Variants in ARGFX observed in about 807,000 individuals in gnomAD.
ARGFX encodes the protein arginine-fifty homeobox.
Under a neutral mutation model 8.0 loss-of-function variants are expected in ARGFX, and 10 were observed. That is an observed-to-expected ratio of 1.25 (90% CI 0.77 to 2.12). ARGFX has a LOEUF of 2.12. ARGFX is among the 30% of genes most tolerant of loss of function. The pLI, the probability that ARGFX is intolerant of heterozygous loss-of-function variation, is 0.00. For synonymous variants in ARGFX, 116 were observed against 117.8 expected, an observed-to-expected ratio of 0.98 and a Z score of 0.10; for missense variants, 282 against 324.3, an observed-to-expected ratio of 0.87 and a Z score of 1.00.
Position 121,588,793 on chromosome 3 carries a change from G to A in ARGFX, c.*2193G>A, listed in dbSNP as rs2048829348. Among the ~76,000 whole-genome samples the A allele has an allele frequency of 6.6e-6, 1 of 152,016 alleles. No homozygotes were observed. The highest frequency in any genetic ancestry group is 2.4e-5 in the African/African-American group (1 of 41,380). On this transcript the variant is annotated 3_prime_UTR_variant, in exon 5 of 5. Transcript: ENST00000334384. ...AAAAAAAAAATTAGCTGGGCATGGTGGCACACACCTGTAGTCCCAGCTACT... is the reference window on the plus strand; with the variant it reads ...AAAAAAAAAATTAGCTGGGCATGGTAGCACACACCTGTAGTCCCAGCTACT...
At chr3:121,580,567 A>AGTGTGT (rs143363410) in intron 3 of ARGFX, among the ~76,000 whole-genome samples, 11,565 of 127,384 alleles carry the variant, frequency 0.091, 1,145 homozygotes, top group East Asian at 0.48. Context: ...TATAAAGAAA[A>AGTGTGT]GTGTGTGTGT....
chr3:121,577,242 TA>T lies in ARGFX; in HGVS notation c.220+343del, dbSNP rs1560120420. Among the ~76,000 whole-genome samples, 254 of 62,240 alleles carry T rather than the reference TA, an allele frequency of 4.1e-3. 3 individuals carry two copies. Among genetic ancestry groups the T allele is most frequent in the African/African-American group, 0.013 (245 of 18,752 alleles). The allele number at this position is 62,240 out of a possible 152,430, so 40.8% of individuals were successfully genotyped here. ...CTACATGTACATATATATATATATA[TA>T]TATATATATATATATATTTTTTTTT... On this transcript the variant is annotated intron_variant, in intron 3 of 4. Transcript: ENST00000334384.
rs987745875 is a variant in ARGFX, at chr3:121,588,563, A to G, written c.*1963A>G. 1.1e-4 allele frequency among the ~76,000 whole-genome samples: 17 copies of G among 152,044 alleles called. No homozygotes were observed. The highest frequency in any genetic ancestry group is 3.9e-4 in the African/African-American group (16 of 41,548). Reference sequence around the variant, plus strand: ...ATGAAAAATGTAAAAGTACCTAGAAATTCACAAAAAAATTAATACCTCTGT... The same window carrying G: ...ATGAAAAATGTAAAAGTACCTAGAAGTTCACAAAAAAATTAATACCTCTGT... On this transcript the variant is annotated 3_prime_UTR_variant, in exon 5 of 5. Transcript: ENST00000334384.
chr3:121,575,544 C>A (rs534834232), intron 2 of ARGFX, among the ~76,000 whole-genome samples: 1 of 151,988 alleles, frequency 6.6e-6, no homozygotes, highest in Non-Finnish European at 1.5e-5. Flanking sequence ...GGCATGAGAG[C>A]GAGCACAGAA....
At chr3:121,568,940 A>G (rs920090540) in intron 1 of ARGFX, among the ~76,000 whole-genome samples, 4 of 152,220 alleles carry the variant, frequency 2.6e-5, no homozygotes, top group African/African-American at 9.6e-5. Flanking sequence ...TATTCTTAAA[A>G]ATTGTTAAGG....
intron 3 of ARGFX, among the ~76,000 whole-genome samples, chr3:121,578,744 C>A (rs1477881872): frequency 6.6e-6 from 1 of 150,468 alleles, no homozygotes; most frequent in African/African-American, 2.4e-5. Flanking sequence ...GATCTCGGCT[C>A]ACTGCAAGTT....
chr3:121,570,780 A>G lies in ARGFX; in HGVS notation c.67A>G (p.Met23Val), dbSNP rs147017228. 1.2e-6 allele frequency: 2 copies of G among 1,608,460 alleles called. No homozygotes were observed. The highest frequency in any genetic ancestry group is 1.3e-5 in the African/African-American group (1 of 74,656). The change falls in exon 2 of 5, where the codon ATG becomes GTG. Residue 23 changes from methionine (M) to valine (V), a missense_variant. Physicochemically the swap from Met to Val is conservative, Grantham distance 21. Coordinates refer to ENST00000334384, the MANE Select transcript of ARGFX (RefSeq NM_001012659.2). Reference sequence around the variant, plus strand: ...TTTCATCAATAGGAATTATTCCAACATGAAGGTGATACCACCACAGGATCC... The same window carrying G: ...TTTCATCAATAGGAATTATTCCAACGTGAAGGTGATACCACCACAGGATCC... Reference protein sequence around the residue: ...DPFINRNYSNMKVIPPQDPAS... With the variant: ...DPFINRNYSNVKVIPPQDPAS...
rs776495012 is a variant in ARGFX at position 121,586,366 on chromosome 3, T to A, written c.714T>A (p.Asp238Glu). The A allele has an allele frequency of 3.1e-6, 5 of 1,614,198 alleles. No individual in the cohort carries two copies. The highest frequency in any genetic ancestry group is 2.2e-5 in the South Asian group (2 of 91,086). ...FQIIELYNLP[D>E]ENEISSSSFH... is the part of the protein sequence containing the mutation. ...TCATAGAACTGTACAATCTTCCTGA[T>A]GAGAATGAGATATCCAGCTCTTCTT... Residue 238 changes from aspartate (D) to glutamate (E), a missense_variant, in exon 5 of 5, where the codon GAT becomes GAA. Transcript: ENST00000334384.
intron 2 of ARGFX, among the ~76,000 whole-genome samples, chr3:121,573,857 A>G (rs555663577): frequency 3.3e-4 from 49 of 150,488 alleles, no homozygotes; most frequent in Middle Eastern, 3.5e-3. Flanking sequence ...TCAAAAAAAA[A>G]AAAAAAAAAA....
rs1160696709 is a variant in ARGFX at position 121,588,799 on chromosome 3, C to T, written c.*2199C>T. Among the ~76,000 whole-genome samples, 2 of 150,956 alleles carry T rather than the reference C, an allele frequency of 1.3e-5. No homozygotes were observed. The highest frequency in any genetic ancestry group is 3.9e-4 in the East Asian group (2 of 5,146). On this transcript the variant is annotated 3_prime_UTR_variant, in exon 5 of 5. Transcript: ENST00000334384. ...AAAATTAGCTGGGCATGGTGGCACA[C>T]ACCTGTAGTCCCAGCTACTTGGGAG...
At chr3:121,579,842 G>A (rs2048766243) in intron 3 of ARGFX, among the ~76,000 whole-genome samples, 1 of 151,890 alleles carries the variant, frequency 6.6e-6, no homozygotes, top group African/African-American at 2.4e-5. Flanking sequence ...GCCCGCCTTG[G>A]CATCCCAAAG....
chr3:121,576,601 T>C (rs1027149851), intron 2 of ARGFX, among the ~76,000 whole-genome samples, 183 bp from the exon 3 acceptor site: 5 of 152,094 alleles, frequency 3.3e-5, no homozygotes, highest in Non-Finnish European at 5.9e-5. Flanking sequence ...CCTCCCAAAG[T>C]GCTGGGATTA....
At chr3:121,577,356 C>T (rs1422854632) in intron 3 of ARGFX, among the ~76,000 whole-genome samples, 5 of 148,852 alleles carry the variant, frequency 3.4e-5, no homozygotes, top group African/African-American at 7.5e-5. Flanking sequence ...TGGGTTCAAG[C>T]GATTCTCCTG....
chr3:121,576,050 T>C (rs2048733962), intron 2 of ARGFX, among the ~76,000 whole-genome samples: 1 of 152,094 alleles, frequency 6.6e-6, no homozygotes, highest in Admixed American at 6.6e-5. Context: ...TTTTATTTTA[T>C]AAATGTGAAA....
At position 121,588,443 on chromosome 3, in the gene ARGFX, A is replaced by G. The variant is rs988139390; in HGVS notation, c.*1843A>G. On this transcript the variant is annotated 3_prime_UTR_variant, in exon 5 of 5. Coordinates refer to ENST00000334384, the MANE Select transcript of ARGFX (RefSeq NM_001012659.2). ...CAGTGAGCTGAGGTCGCACCACTGC[A>G]CTCCAGCCTGGACAACAGAGCAAGA... 1.3e-5 allele frequency among the ~76,000 whole-genome samples: 2 copies of G among 151,038 alleles called. No individual in the cohort carries two copies. The highest frequency in any genetic ancestry group is 4.9e-5 in the African/African-American group (2 of 41,104).
At chr3:121,578,894 G>A (rs1365909793) in intron 3 of ARGFX, among the ~76,000 whole-genome samples, 3 of 151,376 alleles carry the variant, frequency 2.0e-5, no homozygotes, top group African/African-American at 7.3e-5. Flanking sequence ...AGACAGGATG[G>A]TCTTGTTCTC....
At chr3:121,577,943 A>T (rs562865552) in intron 3 of ARGFX, among the ~76,000 whole-genome samples, 2 of 151,458 alleles carry the variant, frequency 1.3e-5, no homozygotes, top group African/African-American at 4.9e-5. Flanking sequence ...TTGCCACCAT[A>T]TCTGGCTAAT....
rs1284516042 is a variant in ARGFX, at chr3:121,584,929, G to A, written c.233G>A (p.Arg78Lys). The change falls in exon 4 of 5, where the codon AGG (arginine) becomes AAG (lysine). Residue 78 changes from arginine to lysine, a missense_variant. Coordinates refer to ENST00000334384, the MANE Select transcript of ARGFX (RefSeq NM_001012659.2). ...RVAATTAIRRRHKERTSFTHQ... is the reference protein window; with the variant it reads ...RVAATTAIRRKHKERTSFTHQ... ...CTCTGCCCTGAAGCAATACGGAGAA[G>A]GCATAAAGAACGTACTTCTTTCACC... 4 of 1,612,910 alleles carry A rather than the reference G, an allele frequency of 2.5e-6. No individual in the cohort carries two copies. The highest frequency in any genetic ancestry group is 3.4e-6 in the Non-Finnish European group (4 of 1,179,842).
At chr3:121,569,053 A>G (rs1003841341) in intron 1 of ARGFX, among the ~76,000 whole-genome samples, 2 of 152,244 alleles carry the variant, frequency 1.3e-5, no homozygotes, top group African/African-American at 4.8e-5. Context: ...TCAAAATAAA[A>G]TGATAAATGC....
Sources: gnomAD v4.1 joint callset for allele counts (sites outside exome capture counted in the v4.1 genomes callset) on GRCh38, gnomAD v4.1.1 for gene constraint, MANE v1.5 for transcripts, NCBI Gene and HGNC (gene_info 2026-07-23, HGNC 2026-07-21) for gene names.